The following HIRA variants were observed in gnomAD, a reference collection of about 807,000 sequenced individuals.
HIRA encodes histone cell cycle regulator.
A neutral mutation model predicts 126.6 loss-of-function variants in HIRA; 13 were observed. The ratio of observed to expected loss-of-function variants is 0.10; its 90% CI spans 0.07 to 0.16. The LOEUF (loss-of-function observed/expected upper bound fraction) is 0.16. Among genes scored for constraint, HIRA ranks in the 10% least tolerant of loss-of-function variants. The pLI is 1.00. For missense variants in HIRA, 834 were observed against 1,314.4 expected, an observed-to-expected ratio of 0.63 and a Z score of 5.65; for synonymous variants, 511 against 520.0, an observed-to-expected ratio of 0.98 and a Z score of 0.24.
Position 19,359,394 on chromosome 22 carries a change from C to T in HIRA, c.2176G>A (p.Glu726Lys). Residue 726 changes from glutamate (E) to lysine (K), a missense_variant, in exon 18 of 25, where the codon GAA becomes AAA. Glu to Lys is a moderately conservative substitution (Grantham distance 56). This residue lies in a region of HIRA where 468 missense variants were observed against 574.2 expected (regional missense o/e 0.82). Transcript: ENST00000263208. ...VKLSRLKCNR[E>K]GKEWETVLTS... ...AGTACCGTCTCCCACTCCTTCCCTT[C>T]CCGGTTGCACTTCAGGCGGCTCAGC... 1 of 1,610,882 alleles carries T rather than the reference C, an allele frequency of 6.2e-7. No homozygotes were observed. The highest frequency in any genetic ancestry group is 1.3e-5 in the African/African-American group (1 of 75,028).
At chr22:19,348,203 G>A (rs782011366) in intron 24 of HIRA, among the ~76,000 whole-genome samples, 1 of 152,196 alleles carries the variant, frequency 6.6e-6, no homozygotes, top group Non-Finnish European at 1.5e-5. Context: ...GCAAATAGAA[G>A]TGTTCTGTAG....
rs2088843172 is a variant in HIRA, at chr22:19,359,386, C to G, written c.2184G>C (p.Lys728Asn). Residue 728 changes from lysine (K) to asparagine (N), a missense_variant, in exon 18 of 25, where the codon AAG becomes AAC. Physicochemically the swap from Lys to Asn is moderately conservative, Grantham distance 94. Coordinates refer to ENST00000263208, the MANE Select transcript of HIRA (RefSeq NM_003325.4). ...LSRLKCNREG[K>N]EWETVLTSRI... ...GGCTGGTGAGTACCGTCTCCCACTC[C>G]TTCCCTTCCCGGTTGCACTTCAGGC... The G allele has an allele frequency of 6.2e-7, 1 of 1,610,662 alleles. No individual in the cohort carries two copies. Among genetic ancestry groups the G allele is most frequent in the Non-Finnish European group, 8.5e-7 (1 of 1,178,718 alleles).
chr22:19,334,199 T>C (rs8139043), intron 24 of HIRA, among the ~76,000 whole-genome samples: 11,998 of 151,366 alleles, frequency 0.079, 563 homozygotes, highest in Middle Eastern at 0.18. Context: ...ATGGTCTCGA[T>C]CTCCTGACCT....
At chr22:19,398,788 G>A (rs1161780212) in intron 5 of HIRA, among the ~76,000 whole-genome samples, 2 of 152,042 alleles carry the variant, frequency 1.3e-5, no homozygotes. Flanking sequence ...ACCAGCCTAG[G>A]CAACATGGCA....
intron 5 of HIRA, among the ~76,000 whole-genome samples, chr22:19,402,962 G>T (rs1189762842): frequency 6.6e-6 from 1 of 151,848 alleles, no homozygotes; most frequent in East Asian, 1.9e-4. Flanking sequence ...AATCAGCCAG[G>T]TATGGTGATG....
At chr22:19,364,394 CAG>C (rs2088893452) in intron 15 of HIRA, among the ~76,000 whole-genome samples, 1 of 152,162 alleles carries the variant, frequency 6.6e-6, no homozygotes, top group African/African-American at 2.4e-5. Flanking sequence ...CTGTGCTTCG[CAG>C]AGACTATGTT....
rs541689051 is a variant in HIRA at position 19,377,798 on chromosome 22, C to A, written c.1613+71G>T. On this transcript the variant is annotated intron_variant, in intron 14 of 24. Coordinates refer to ENST00000263208, the MANE Select transcript of HIRA (RefSeq NM_003325.4). The stretch of plus-strand genomic sequence containing the variant: ...CACAAAGTGCAAACAGAATAAAATT[C>A]TCTGTCCTCAAAACTATGTGCAAAC... The A allele has an allele frequency of 1.7e-5, 23 of 1,330,292 alleles. 1 individual carries two copies. In the South Asian group the frequency reaches 3.1e-4, roughly 18 times the overall value. 82.4% of individuals were successfully genotyped at this position (1,330,292 alleles called of 1,614,324 possible). A position where few individuals can be genotyped will look rare whatever the true frequency, so the allele number is the denominator to read the frequency against.
rs2089119974 is a variant in HIRA at position 19,385,638 on chromosome 22, G to A, written c.1212C>T (p.Tyr404=). ...GCTGCTGCTGCTGCTGCCTTCGCTG[G>A]TACTTGAGCATCTCAGGGTTCTCAA... ...AVIENPEMLK[Y]QRRQQQQQLD... is the part of the protein sequence containing the mutation. Residue 404 remains tyrosine (Y), a synonymous_variant, in exon 12 of 25, where the codon TAC becomes TAT. Coordinates refer to ENST00000263208, the MANE Select transcript of HIRA (RefSeq NM_003325.4). The A allele has an allele frequency of 1.2e-6, 2 of 1,614,200 alleles. No homozygotes were observed. The highest frequency in any genetic ancestry group is 1.7e-6 in the Non-Finnish European group (2 of 1,180,046).
chr22:19,419,636 T>C (rs1233354569), intron 1 of HIRA, among the ~76,000 whole-genome samples: 1 of 152,234 alleles, frequency 6.6e-6, no homozygotes, highest in Admixed American at 6.5e-5. Flanking sequence ...GTAGATCAGC[T>C]CTTTTGTCTG....
At chr22:19,405,192 T>C (rs1200535780) in intron 5 of HIRA, among the ~76,000 whole-genome samples, 4 of 152,162 alleles carry the variant, frequency 2.6e-5, no homozygotes, top group Non-Finnish European at 4.4e-5. Flanking sequence ...ACTTATGCTG[T>C]ACCACCCTGC....
intron 5 of HIRA, among the ~76,000 whole-genome samples, chr22:19,405,189 C>T (rs1282866653): frequency 2.0e-5 from 3 of 152,182 alleles, no homozygotes; most frequent in Non-Finnish European, 4.4e-5. Context: ...CTCACTTATG[C>T]TGTACCACCC....
At chr22:19,388,253 G>C (rs2089145654) in intron 10 of HIRA, among the ~76,000 whole-genome samples, 1 of 152,172 alleles carries the variant, frequency 6.6e-6, no homozygotes, top group Non-Finnish European at 1.5e-5. Context: ...GACAAATCCT[G>C]AAAAGGCATT....
At chr22:19,371,744 CTTCT>C (rs1178556165) in intron 15 of HIRA, among the ~76,000 whole-genome samples, 1 of 152,206 alleles carries the variant, frequency 6.6e-6, no homozygotes, top group Non-Finnish European at 1.5e-5. Context: ...TTGTGACTGG[CTTCT>C]TTCTCTTAGC....
rs377695077 is a variant in HIRA, at chr22:19,399,310, T to C, written c.398-1223A>G. 1.4e-5 allele frequency: 3 copies of C among 215,138 alleles called. 1 individual carries two copies. Among genetic ancestry groups the C allele is most frequent in the South Asian group, 3.3e-4 (2 of 6,046 alleles). The allele number at this position is 215,138 out of a possible 1,614,324, so 13.3% of individuals were successfully genotyped here. On this transcript the variant is annotated intron_variant, in intron 5 of 24. Transcript: ENST00000263208. ...AGCAAAATATTCCAAATATCTATTG[T>C]ATTTTTTCCAGTTAAAAAAAAACTA... is the stretch of plus-strand genomic sequence containing the variant.
At chr22:19,374,059 G>A (rs1296704461) in intron 15 of HIRA, among the ~76,000 whole-genome samples, 1 of 151,920 alleles carries the variant, frequency 6.6e-6, no homozygotes, top group African/African-American at 2.4e-5. Flanking sequence ...GAGACCGCGC[G>A]CGGTGGCTCA....
Position 19,331,283 on chromosome 22 carries a change from C to T in HIRA, c.*157G>A, listed in dbSNP as rs1398511703. 3 of 1,562,554 alleles carry T rather than the reference C, an allele frequency of 1.9e-6. No homozygotes were observed. The highest frequency in any genetic ancestry group is 2.7e-5 in the African/African-American group (2 of 74,212). ...GTCAGACCCAGGACACAGGGCACAT[C>T]TGCCCAGGGAGCTGGGCTGGCGCTG... On this transcript the variant is annotated 3_prime_UTR_variant, in exon 25 of 25. Transcript: ENST00000263208.
In HIRA at chr22:19,331,335, T is replaced by C. The variant is rs1472474722; in HGVS notation, c.*105A>G. The C allele has an allele frequency of 1.9e-6, 3 of 1,598,560 alleles. No homozygotes were observed. Among genetic ancestry groups the C allele is most frequent in the African/African-American group, 1.3e-5 (1 of 74,856 alleles). ...TGCAGGACAGCACATCTCCTGCCAG[T>C]GTCTCCTCCCCCTACAGCCTGGTCA... On this transcript the variant is annotated 3_prime_UTR_variant, in exon 25 of 25. Coordinates refer to ENST00000263208, the MANE Select transcript of HIRA (RefSeq NM_003325.4).
At chr22:19,390,711 C>G (rs373251463) in intron 9 of HIRA, among the ~76,000 whole-genome samples, 15 of 151,398 alleles carry the variant, frequency 9.9e-5, no homozygotes, top group African/African-American at 2.9e-4. Context: ...CAGCATCACC[C>G]AGGGGTGAAA....
In HIRA at chr22:19,410,777, G is replaced by A. The variant is rs766277538; in HGVS notation, c.39C>T (p.Gly13=). ...LLKPTWVNHN[G]KPIFSVDIHP... Reference sequence around the variant, plus strand: ...GAATATCAACTGAAAAAATCGGCTTGCCTGGAAACAAAGAAAAAAAAATAC... The same window carrying A: ...GAATATCAACTGAAAAAATCGGCTTACCTGGAAACAAAGAAAAAAAAATAC... Residue 13 remains glycine (G), a splice_region_variant and synonymous_variant, in exon 2 of 25, where the codon GGC becomes GGT. Transcript: ENST00000263208. 2 of 1,613,100 alleles carry A rather than the reference G, an allele frequency of 1.2e-6. No homozygotes were observed. The highest frequency in any genetic ancestry group is 1.7e-6 in the Non-Finnish European group (2 of 1,179,584).
Sources: allele counts gnomAD v4.1 joint callset (sites outside exome capture counted in the v4.1 genomes callset), GRCh38; gene constraint gnomAD v4.1.1; regional missense constraint gnomAD v4.1.1; transcripts MANE v1.5; gene names NCBI Gene and HGNC (gene_info 2026-07-23, HGNC 2026-07-21).